The following BNIP2 variants were observed in gnomAD, a reference collection of about 807,000 sequenced individuals.
BNIP2 encodes BCL2 interacting protein 2.
In BNIP2, 36 loss-of-function variants were observed where a neutral mutation model predicts 43.4. The ratio of observed to expected loss-of-function variants is 0.83; its 90% CI spans 0.64 to 1.10. The LOEUF is 1.10. BNIP2 is among the 50% of genes least tolerant of loss of function. The pLI, the probability that BNIP2 is intolerant of heterozygous loss-of-function variation, is 0.00. For synonymous variants in BNIP2, 146 were observed against 121.0 expected (o/e 1.21, Z -1.35); for missense variants, 417 against 374.1 (o/e 1.11, Z -0.95).
At chr15:59,684,072 G>C (rs775691260) in intron 1 of BNIP2, among the ~76,000 whole-genome samples, 12 of 152,160 alleles carry the variant, frequency 7.9e-5, no homozygotes, top group Non-Finnish European at 1.2e-4. Flanking sequence ...GTTCCGTAAT[G>C]ACAAAATTAC....
rs1229959214 is a variant in BNIP2 at position 59,663,792 on chromosome 15, A to G, written c.*277T>C. ...GATGCATCATTCAATAAACAAATGCAAAAACTACTTTATATAAAGTGTGGT... is the reference window on the plus strand; with the variant it reads ...GATGCATCATTCAATAAACAAATGCGAAAACTACTTTATATAAAGTGTGGT... On this transcript the variant is annotated 3_prime_UTR_variant, in exon 10 of 10. Coordinates refer to ENST00000607373, the MANE Select transcript of BNIP2 (RefSeq NM_004330.4). 2 of 266,156 alleles carry G rather than the reference A, an allele frequency of 7.5e-6. No homozygotes were observed. The highest frequency in any genetic ancestry group is 4.4e-5 in the African/African-American group (2 of 45,384). 16.5% of individuals were successfully genotyped at this position (266,156 alleles called of 1,614,324 possible). A position where few individuals can be genotyped will look rare whatever the true frequency, so the allele number is the denominator to read the frequency against.
chr15:59,669,914 A>G (rs1298036586), intron 7 of BNIP2, among the ~76,000 whole-genome samples: 1 of 152,258 alleles, frequency 6.6e-6, no homozygotes, highest in Non-Finnish European at 1.5e-5. Flanking sequence ...CATATTTCAC[A>G]CATAAAGTGA....
intron 1 of BNIP2, among the ~76,000 whole-genome samples, chr15:59,682,871 A>C (rs531868092): frequency 5.9e-5 from 9 of 152,326 alleles, no homozygotes; most frequent in African/African-American, 1.9e-4. Flanking sequence ...TTACAGACTC[A>C]TAATTAAATT....
intron 4 of BNIP2, chr15:59,678,569 T>A (rs1269756676): frequency 1.8e-6 from 2 of 1,111,778 alleles, no homozygotes; most frequent in Non-Finnish European, 2.2e-6. Flanking sequence ...ATTTGATCAG[T>A]TTTATAAAGC....
intron 1 of BNIP2, among the ~76,000 whole-genome samples, chr15:59,686,710 C>G (rs3825870): frequency 0.44 from 66,918 of 151,980 alleles, 15,291 homozygotes; most frequent in East Asian, 0.82. Flanking sequence ...ATGAAATGAA[C>G]TGCTCTATCA....
chr15:59,684,647 G>C (rs571282074), intron 1 of BNIP2, among the ~76,000 whole-genome samples: 4 of 152,136 alleles, frequency 2.6e-5, no homozygotes, highest in Non-Finnish European at 4.4e-5. Context: ...ATTTCCCAAT[G>C]TTTAACTTTT....
At chr15:59,664,869 T>C (rs1172781501) in intron 9 of BNIP2, among the ~76,000 whole-genome samples, 1 of 152,230 alleles carries the variant, frequency 6.6e-6, no homozygotes. Flanking sequence ...AATTCAGTGA[T>C]AAAAAATGCA....
Position 59,672,662 on chromosome 15 carries a change from T to G in BNIP2, c.550A>C (p.Arg184=), listed in dbSNP as rs984515241. The stretch of plus-strand genomic sequence containing the variant: ...TTAAAAAGATTGTCCATCAGGTATC[T>G]ATAGTTAGGCTGACTACTTTCAGGC... ...FMPESSQPNY[R]YLMDNLFKYV... is the part of the protein sequence containing the mutation. Residue 184 remains arginine, a synonymous_variant, in exon 6 of 10, where the codon AGA becomes CGA. Coordinates refer to ENST00000607373, the MANE Select transcript of BNIP2 (RefSeq NM_004330.4). 3.1e-6 allele frequency: 5 copies of G among 1,613,620 alleles called. No homozygotes were observed. Among genetic ancestry groups the G allele is most frequent in the Non-Finnish European group, 4.2e-6 (5 of 1,179,610 alleles).
At chr15:59,687,328 G>A (rs1595711274) in intron 1 of BNIP2, among the ~76,000 whole-genome samples, 1 of 150,118 alleles carries the variant, frequency 6.7e-6, no homozygotes. Flanking sequence ...TACTTCATAG[G>A]ATGTAACATG....
chr15:59,669,396 G>A, intron 7 of BNIP2, 34 bp from the exon 8 acceptor site: 2 of 1,315,120 alleles, frequency 1.5e-6, no homozygotes, highest in East Asian at 2.5e-5. Context: ...CACACACAAA[G>A]AAAATTAAAA....
intron 1 of BNIP2, among the ~76,000 whole-genome samples, chr15:59,685,707 T>C (rs904521197): frequency 3.3e-5 from 5 of 152,130 alleles, no homozygotes; most frequent in Non-Finnish European, 7.4e-5. Flanking sequence ...GGGAGAGAGA[T>C]ATAGATAGAT....
intron 2 of BNIP2, 62 bp from the exon 3 acceptor site, chr15:59,680,370 A>C: frequency 7.9e-7 from 1 of 1,265,550 alleles, no homozygotes; most frequent in Non-Finnish European, 1.1e-6. Context: ...TTTGAAGTTC[A>C]ATCTATTAAA....
chr15:59,668,328 T>G (rs1481662563), intron 9 of BNIP2, among the ~76,000 whole-genome samples: 1 of 152,174 alleles, frequency 6.6e-6, no homozygotes, highest in Non-Finnish European at 1.5e-5. Context: ...AAACCTCAGG[T>G]GAGCAGAACA....
At chr15:59,676,855 C>T (rs1893331594) in intron 5 of BNIP2, 1 of 1,573,482 alleles carries the variant, frequency 6.4e-7, no homozygotes, top group African/African-American at 1.4e-5. Flanking sequence ...GCCTCAGCTG[C>T]CCTGGGCTCT....
chr15:59,688,722 C>T (rs763023435), intron 1 of BNIP2: 44 of 1,535,666 alleles, frequency 2.9e-5, no homozygotes, highest in Non-Finnish European at 3.7e-5. Context: ...CCCGCGGTTA[C>T]GAGGCATACC....
chr15:59,680,023 C>T (rs1296733389), intron 3 of BNIP2, among the ~76,000 whole-genome samples: 1 of 152,090 alleles, frequency 6.6e-6, no homozygotes, highest in Non-Finnish European at 1.5e-5. Flanking sequence ...AAATGATCTC[C>T]TCCACCCCTT....
intron 1 of BNIP2, among the ~76,000 whole-genome samples, chr15:59,686,201 G>C (rs1005193951): frequency 1.3e-5 from 2 of 152,188 alleles, no homozygotes; most frequent in Non-Finnish European, 2.9e-5. Flanking sequence ...AATCCAACCA[G>C]GATGAAGCAG....
At chr15:59,679,908 AT>A in intron 3 of BNIP2, 140 bp from the exon 4 acceptor site, 1 of 778,236 alleles carries the variant, frequency 1.3e-6, no homozygotes, top group Non-Finnish European at 1.9e-6. Context: ...TATTCACAAA[AT>A]TTTTATTCTG....
Position 59,660,705 on chromosome 15 carries a change from C to T in BNIP2, c.*3364G>A, listed in dbSNP as rs1345411157. The T allele has an allele frequency of 1.3e-5, 2 of 152,108 alleles. No individual in the cohort carries two copies. Among genetic ancestry groups the T allele is most frequent in the Admixed American group, 6.5e-5 (1 of 15,268 alleles). 9.4% of individuals were successfully genotyped at this position (152,108 alleles called of 1,614,324 possible). On this transcript the variant is annotated 3_prime_UTR_variant, in exon 10 of 10. Transcript: ENST00000607373. ...CTACAGATATATGCTTGCCAATCAGCATATTTCAGTATTCAGTGCACTTAC... is the reference window on the plus strand; with the variant it reads ...CTACAGATATATGCTTGCCAATCAGTATATTTCAGTATTCAGTGCACTTAC...
Sources: allele counts gnomAD v4.1 joint callset (sites outside exome capture counted in the v4.1 genomes callset), GRCh38; gene constraint gnomAD v4.1.1; transcripts MANE v1.5; gene names NCBI Gene and HGNC (gene_info 2026-07-23, HGNC 2026-07-21).